Variants in CD5 observed in about 807,000 individuals in gnomAD.
The protein encoded by CD5 is T-cell surface glycoprotein CD5.
In CD5, 36 loss-of-function variants were observed where a neutral mutation model predicts 60.3. The observed-to-expected ratio is 0.60, with a 90% confidence interval of 0.46 to 0.79. The LOEUF is 0.79. CD5 is among the 30% of genes least tolerant of loss of function. CD5 has a pLI of 0.00. For missense variants in CD5, 540 were observed against 630.6 expected (o/e 0.86, Z 1.54); for synonymous variants, 230 against 257.6 (o/e 0.89, Z 1.03).
intron 2 of CD5, among the ~76,000 whole-genome samples, chr11:61,116,720 T>TACACACACCAC (rs1860967712): frequency 7.2e-5 from 1 of 13,814 alleles, no homozygotes. Context: ...ACATGCACAC[T>TACACACACCAC]ATACACACCA....
chr11:61,107,313 T>A (rs1473188856), intron 1 of CD5, among the ~76,000 whole-genome samples: 1 of 152,176 alleles, frequency 6.6e-6, no homozygotes, highest in Non-Finnish European at 1.5e-5. Flanking sequence ...GGGCCACGGA[T>A]GCCCCCGTGA....
chr11:61,101,332 G>C (rs1344224906), upstream of CD5, among the ~76,000 whole-genome samples: 2 of 76,542 alleles, frequency 2.6e-5, no homozygotes, highest in African/African-American at 4.6e-5. Flanking sequence ...CATCAACATG[G>C]AGATCACATT....
At position 61,121,679 on chromosome 11, in the gene CD5, C is replaced by T. The variant is rs759626085; in HGVS notation, c.874C>T (p.Arg292Cys). The T allele has an allele frequency of 5.9e-5, 94 of 1,587,322 alleles. No homozygotes were observed. The highest frequency in any genetic ancestry group is 7.7e-5 in the Non-Finnish European group (90 of 1,162,294). The change falls in exon 6 of 11, where the codon CGC becomes TGC. Residue 292 changes from arginine to cysteine, a missense_variant. Transcript: ENST00000347785. ...CATCTGTGAAGGCACCGTGGAGGTGCGCCAGGGGGCTCAGTGGGCAGCCCT... is the reference window on the plus strand; with the variant it reads ...CATCTGTGAAGGCACCGTGGAGGTGTGCCAGGGGGCTCAGTGGGCAGCCCT... ...SSICEGTVEV[R>C]QGAQWAALCD...
chr11:61,102,778 C>A (rs906765978), intron 1 of CD5, among the ~76,000 whole-genome samples, 163 bp downstream of exon 1: 2 of 152,190 alleles, frequency 1.3e-5, no homozygotes, highest in South Asian at 4.1e-4. Context: ...CCCACTAAGC[C>A]GCAGCTTGGC....
rs1861142458 is a variant in CD5, at chr11:61,125,847, C to T, written c.*2+6C>T. On this transcript the variant is annotated splice_donor_region_variant and intron_variant, in intron 10 of 10. Coordinates refer to ENST00000347785, the MANE Select transcript of CD5 (RefSeq NM_014207.4). ...GGGGCTCAGAGGCTGTAAAGGTGAG[C>T]CCGTCTCCAGCCTGACCCCAGCACC... is the stretch of plus-strand genomic sequence containing the variant. 6.3e-7 allele frequency: 1 copy of T among 1,596,414 alleles called. No individual in the cohort carries two copies. Among genetic ancestry groups the T allele is most frequent in the African/African-American group, 1.3e-5 (1 of 74,460 alleles).
intron 6 of CD5, 150 bp downstream of exon 6, chr11:61,122,054 G>C (rs1294630129): frequency 3.3e-6 from 2 of 611,714 alleles, no homozygotes; most frequent in Non-Finnish European, 5.1e-6. Flanking sequence ...AAATTGGAAG[G>C]CTAGGGAGCA....
upstream of CD5, among the ~76,000 whole-genome samples, chr11:61,101,142 TTA>T (rs1860676491): frequency 1.3e-5 from 1 of 75,446 alleles, no homozygotes; most frequent in Admixed American, 1.8e-4. Flanking sequence ...AACATGGAGA[TTA>T]CACACACATC....
upstream of CD5, among the ~76,000 whole-genome samples, chr11:61,098,730 C>CA (rs1860615903): frequency 6.6e-6 from 1 of 152,244 alleles, no homozygotes; most frequent in South Asian, 2.1e-4. Context: ...ATTGCTCACT[C>CA]AGAGAGCTCA....
At chr11:61,122,198 A>G (rs990462418) in intron 6 of CD5, among the ~76,000 whole-genome samples, 2 of 152,188 alleles carry the variant, frequency 1.3e-5, no homozygotes, top group African/African-American at 4.8e-5. Context: ...GAAGCCAGAA[A>G]ATCAAATGGT....
chr11:61,103,417 A>G (rs1423318667), intron 1 of CD5, among the ~76,000 whole-genome samples: 1 of 152,174 alleles, frequency 6.6e-6, no homozygotes, highest in Non-Finnish European at 1.5e-5. Flanking sequence ...TGGGCTGGAA[A>G]CAGGAGGATG....
At chr11:61,100,716 T>C (rs2134587045), upstream of CD5, among the ~76,000 whole-genome samples, 1 of 133,712 alleles carries the variant, frequency 7.5e-6, no homozygotes, top group South Asian at 2.5e-4. Context: ...CACATCAACA[T>C]GGAGATCACA....
rs192683701 is a variant in CD5 at position 61,126,790 on chromosome 11, C to A, written c.*505C>A. ...CTCTGGGGAGGACAGGAAGGGGACT[C>A]CCGGAGACCTCTGCAGCCGTGGTGG... On this transcript the variant is annotated 3_prime_UTR_variant, in exon 11 of 11. Coordinates refer to ENST00000347785, the MANE Select transcript of CD5 (RefSeq NM_014207.4). The A allele has an allele frequency of 6.6e-6, 1 of 152,388 alleles. No individual in the cohort carries two copies. The highest frequency in any genetic ancestry group is 1.9e-4 in the East Asian group (1 of 5,188). The allele number at this position is 152,388 out of a possible 1,614,324, so 9.4% of individuals were successfully genotyped here.
chr11:61,101,143 TACACACACATCAACATGGAGATC>T (rs1860676552), upstream of CD5, among the ~76,000 whole-genome samples: 1 of 66,752 alleles, frequency 1.5e-5, no homozygotes, highest in African/African-American at 5.4e-5. Flanking sequence ...ACATGGAGAT[TACACACACATCAACATGGAGATC>T]ACACACTCAT....
rs114296592 is a variant in CD5, at chr11:61,121,062, C to T, written c.806-549C>T. 4.5e-3 allele frequency among the ~76,000 whole-genome samples: 692 copies of T among 152,352 alleles called. 3 individuals are homozygous for T. The highest frequency in any genetic ancestry group is 0.015 in the African/African-American group (627 of 41,578). On this transcript the variant is annotated intron_variant, in intron 5 of 10. Transcript: ENST00000347785. ...GAAATAAATGTGTGCCTCTGTTGAG[C>T]CAGGCCCCACTTGCTGAAAGCCTGG...
upstream of CD5, among the ~76,000 whole-genome samples, chr11:61,097,830 C>G (rs1320360776): frequency 6.6e-6 from 1 of 152,152 alleles, no homozygotes; most frequent in African/African-American, 2.4e-5. Flanking sequence ...CATTTACGTG[C>G]TCAACCGAAT....
chr11:61,116,907 C>T (rs142879721), intron 2 of CD5, among the ~76,000 whole-genome samples: 43 of 151,572 alleles, frequency 2.8e-4, no homozygotes, highest in African/African-American at 1.0e-3. Flanking sequence ...ACCACACACA[C>T]ACATATATTT....
intron 1 of CD5, among the ~76,000 whole-genome samples, chr11:61,113,412 G>A (rs1418335562): frequency 6.6e-6 from 1 of 152,224 alleles, no homozygotes; most frequent in Non-Finnish European, 1.5e-5. Flanking sequence ...GCTACAAGGA[G>A]GCAGAGCTTC....
chr11:61,123,000 G>GC lies in CD5; in HGVS notation c.1198dup (p.Leu400ProfsTer43), dbSNP rs1186432658. The stretch of plus-strand genomic sequence containing the variant: ...CTGGTGGTGCTGCTGGTCGTGTGCG[G>GC]CCCCCTTGCCTACAAGAAGCTAGTG... On this transcript the variant is annotated frameshift_variant, in exon 7 of 11. Transcript: ENST00000347785. LOFTEE classifies it high-confidence loss of function. The GC allele has an allele frequency of 1.2e-6, 2 of 1,613,650 alleles. No homozygotes were observed. The highest frequency in any genetic ancestry group is 1.7e-6 in the Non-Finnish European group (2 of 1,179,838).
chr11:61,114,430 C>A (rs1165800273), intron 1 of CD5, among the ~76,000 whole-genome samples: 1 of 151,284 alleles, frequency 6.6e-6, no homozygotes, highest in Non-Finnish European at 1.5e-5. Flanking sequence ...GAGACCCCAT[C>A]TCTACATACA....
Sources: allele counts gnomAD v4.1 joint callset (sites outside exome capture counted in the v4.1 genomes callset), GRCh38; gene constraint gnomAD v4.1.1; transcripts MANE v1.5; gene names NCBI Gene and HGNC (gene_info 2026-07-23, HGNC 2026-07-21).